Variants in FBXW11 observed in about 807,000 individuals in gnomAD.
FBXW11 encodes F-box and WD repeat domain containing 11.
Under a neutral mutation model 77.6 loss-of-function variants are expected in FBXW11, and 19 were observed. That is an observed-to-expected ratio of 0.24 (90% CI 0.17 to 0.36). FBXW11 has a LOEUF of 0.36. Ranked by LOEUF, FBXW11 falls within the 10% of genes least tolerant of loss-of-function variation. FBXW11 has a pLI of 1.00. For synonymous variants in FBXW11, 235 were observed against 249.4 expected (o/e 0.94, Z 0.54); for missense variants, 334 against 704.2 (o/e 0.47, Z 5.95).
intron 11 of FBXW11, among the ~76,000 whole-genome samples, chr5:171,870,389 ACAC>A (rs1757683101): frequency 1.5e-3 from 1 of 646 alleles, no homozygotes; most frequent in African/African-American, 7.9e-3. Flanking sequence ...TGTTGAACGA[ACAC>A]ACACACACAC....
intron 1 of FBXW11, among the ~76,000 whole-genome samples, chr5:172,005,794 T>C (rs1030693460): frequency 6.6e-6 from 1 of 152,168 alleles, no homozygotes; most frequent in African/African-American, 2.4e-5. Flanking sequence ...CCAGAGTACC[T>C]GGGCCCTTGC....
chr5:171,988,165 A>C (rs1278405146), intron 1 of FBXW11, among the ~76,000 whole-genome samples: 1 of 152,190 alleles, frequency 6.6e-6, no homozygotes, highest in Non-Finnish European at 1.5e-5. Context: ...AGTTCTGTCC[A>C]CTGAAAGGGT....
chr5:171,934,418 C>T (rs1264559982), intron 2 of FBXW11, among the ~76,000 whole-genome samples: 1 of 152,022 alleles, frequency 6.6e-6, no homozygotes, highest in Non-Finnish European at 1.5e-5. Context: ...TGCCTCATGC[C>T]TTGTAATCCC....
intron 1 of FBXW11, among the ~76,000 whole-genome samples, chr5:171,984,755 T>G (rs941876742): frequency 6.6e-6 from 1 of 152,202 alleles, no homozygotes; most frequent in Non-Finnish European, 1.5e-5. Context: ...AGCTCCATAA[T>G]TATAAGGAAA....
rs1222905214 is a variant in FBXW11, at chr5:171,999,389, CA to C, written c.45+7068del. On this transcript the variant is annotated intron_variant, in intron 1 of 13. Transcript: ENST00000517395. ...TGAGTTAATTTTTCTCCCTTCCCTT[CA>C]AAAAAAAAAAATATATATATATATA... is the stretch of plus-strand genomic sequence containing the variant. 5.4e-3 allele frequency among the ~76,000 whole-genome samples: 689 copies of C among 127,464 alleles called. 9 individuals carry two copies. Among genetic ancestry groups the C allele is most frequent in the African/African-American group, 0.019 (519 of 26,666 alleles). 83.6% of individuals were successfully genotyped at this position (127,464 alleles called of 152,430 possible).
intron 4 of FBXW11, among the ~76,000 whole-genome samples, chr5:171,901,304 G>A (rs1043772370): frequency 6.6e-6 from 1 of 152,156 alleles, no homozygotes; most frequent in Non-Finnish European, 1.5e-5. Flanking sequence ...CACTAAACTT[G>A]GTTGTTGAAA....
intron 8 of FBXW11, among the ~76,000 whole-genome samples, chr5:171,877,699 T>C (rs1163938289): frequency 1.3e-5 from 2 of 152,058 alleles, no homozygotes; most frequent in Non-Finnish European, 2.9e-5. Flanking sequence ...CAGGAGTGAC[T>C]CCTGGAAGTG....
intron 1 of FBXW11, among the ~76,000 whole-genome samples, chr5:171,978,772 C>T (rs189873451): frequency 6.4e-4 from 97 of 152,276 alleles, no homozygotes; most frequent in African/African-American, 2.2e-3. Context: ...GATTTCCTTC[C>T]GCTACACTCC....
In FBXW11 at chr5:171,878,553, A is replaced by AGTGTGTGTGTGTGTGTGTGT. The variant is rs34933781; in HGVS notation, c.853-425_853-424insACACACACACACACACACAC. On this transcript the variant is annotated intron_variant, in intron 7 of 13. Coordinates refer to ENST00000517395, the MANE Select transcript of FBXW11 (RefSeq NM_001378974.1). ...AACATACCAAGCCAATCTCCATAAG[A>AGTGTGTGTGTGTGTGTGTGT]GTGTGTGAGTGTGTGTGTGTGTGTG... is the stretch of plus-strand genomic sequence containing the variant. 1.2e-3 allele frequency among the ~76,000 whole-genome samples: 131 copies of AGTGTGTGTGTGTGTGTGTGT among 105,470 alleles called. 1 individual carries two copies. The highest frequency in any genetic ancestry group is 0.011 in the Middle Eastern group (2 of 188). The allele number at this position is 105,470 out of a possible 152,430, so 69.2% of individuals were successfully genotyped here. A position where few individuals can be genotyped will look rare whatever the true frequency, so the allele number is the denominator to read the frequency against.
intron 7 of FBXW11, among the ~76,000 whole-genome samples, chr5:171,888,602 T>C (rs756243175): frequency 7.9e-5 from 12 of 152,210 alleles, no homozygotes; most frequent in African/African-American, 2.2e-4. Context: ...TCCAGAGGAT[T>C]ATAACAGGAC....
At chr5:171,864,790 A>C (rs543839007) in intron 13 of FBXW11, among the ~76,000 whole-genome samples, 22 of 152,248 alleles carry the variant, frequency 1.4e-4, no homozygotes, top group African/African-American at 4.3e-4. Flanking sequence ...CACACACACA[A>C]AAAAACAATA....
At chr5:171,978,755 C>T (rs913545036) in intron 1 of FBXW11, among the ~76,000 whole-genome samples, 1 of 152,198 alleles carries the variant, frequency 6.6e-6, no homozygotes, top group African/African-American at 2.4e-5. Flanking sequence ...AAGTTCCTCA[C>T]CCTAGTGATT....
At chr5:171,938,596 T>G (rs904011302) in intron 2 of FBXW11, among the ~76,000 whole-genome samples, 2 of 152,244 alleles carry the variant, frequency 1.3e-5, no homozygotes, top group Non-Finnish European at 2.9e-5. Flanking sequence ...AATTTGTTAA[T>G]ATTTAACAAA....
chr5:171,928,448 G>GA (rs1325774224), intron 2 of FBXW11, among the ~76,000 whole-genome samples: 3 of 152,236 alleles, frequency 2.0e-5, no homozygotes, highest in African/African-American at 4.8e-5. Context: ...ACATAATCTT[G>GA]AAACACAAGA....
At chr5:171,935,110 C>T (rs974177454) in intron 2 of FBXW11, among the ~76,000 whole-genome samples, 27 of 152,144 alleles carry the variant, frequency 1.8e-4, no homozygotes, top group African/African-American at 5.3e-4. Flanking sequence ...CCTGCCACCA[C>T]GCCTGGCTAA....
chr5:171,951,397 G>A (rs7717147), intron 2 of FBXW11, among the ~76,000 whole-genome samples: 152,176 of 152,202 alleles, frequency 1, 76,075 homozygotes, highest in East Asian at 1. Flanking sequence ...TTATCTGGGC[G>A]TGGTGGCACA....
Position 171,876,226 on chromosome 5 carries a change from T to TACCAGG in FBXW11, c.1221+58_1221+59insCCTGGT. On this transcript the variant is annotated intron_variant, in intron 9 of 13. Coordinates refer to ENST00000517395, the MANE Select transcript of FBXW11 (RefSeq NM_001378974.1). This position sits in a 1 kb window ranked among gnomAD's most constrained non-coding sequence, Gnocchi z 4.2. The stretch of plus-strand genomic sequence containing the variant: ...CCAGGTTGGTATAAGCCACCTCTGC[T>TACCAGG]TTGTCTCTGTTCTAAAAGGGACAGG... The TACCAGG allele has an allele frequency of 6.3e-7, 1 of 1,598,444 alleles. No individual in the cohort carries two copies. Among genetic ancestry groups the TACCAGG allele is most frequent in the South Asian group, 1.1e-5 (1 of 88,592 alleles).
intron 6 of FBXW11, among the ~76,000 whole-genome samples, chr5:171,893,413 T>A (rs1759493107): frequency 7.6e-5 from 1 of 13,188 alleles, no homozygotes; most frequent in Admixed American, 1.6e-3. Flanking sequence ...AAAAGCACAC[T>A]TCAAAACCAA....
Position 171,887,077 on chromosome 5 carries a change from T to G in FBXW11, c.852+4390A>C, listed in dbSNP as rs940483226. Among the ~76,000 whole-genome samples, 22 of 152,168 alleles carry G rather than the reference T, an allele frequency of 1.4e-4. 1 individual carries two copies. Among genetic ancestry groups the G allele is most frequent in the African/African-American group, 5.3e-4 (22 of 41,446 alleles). On this transcript the variant is annotated intron_variant, in intron 7 of 13. Transcript: ENST00000517395. ...TCCGTGGTCAAATAAGTTTTGGAAC[T>G]TGGGAAACACTGGGTGTCTGTCTCT...
Sources: allele counts gnomAD v4.1 joint callset (sites outside exome capture counted in the v4.1 genomes callset), GRCh38; gene constraint gnomAD v4.1.1; non-coding constraint Gnocchi (gnomAD v3.1); transcripts MANE v1.5; gene names NCBI Gene and HGNC (gene_info 2026-07-23, HGNC 2026-07-21).